Variants in SYTL2 observed in about 807,000 individuals in gnomAD.
SYTL2 encodes the protein synaptotagmin like 2, also known as synaptotagmin-like protein 2.
SYTL2 carries 165 observed loss-of-function variants against 198.7 expected under a neutral mutation model. That is an observed-to-expected ratio of 0.83 (90% CI 0.73 to 0.94). SYTL2 has a LOEUF of 0.94. SYTL2 is among the 40% of genes least tolerant of loss of function. The pLI is 0.00. For synonymous variants in SYTL2, 966 were observed against 917.7 expected, an observed-to-expected ratio of 1.05 and a Z score of -0.95; for missense variants, 2,835 against 2,582.8, an observed-to-expected ratio of 1.10 and a Z score of -2.12.
In SYTL2 at chr11:85,725,659, C is replaced by T. The variant is rs748612815; in HGVS notation, c.3699G>A (p.Ala1233=). The T allele has an allele frequency of 9.9e-6, 16 of 1,614,006 alleles. No homozygotes were observed. Among genetic ancestry groups the T allele is most frequent in the African/African-American group, 1.3e-5 (1 of 75,050 alleles). ...TAGAGTTGGTTCCAGTGATAACAGG[C>T]GCCAACTTGGCTTGCAAGGGAGAGG... ...TSPSPLQAKL[A]PVITGTNSKL... The change falls in exon 8 of 20, where the codon GCG becomes GCA. Residue 1233 remains alanine (A), a synonymous_variant. Transcript: ENST00000359152.
intron 2 of SYTL2, among the ~76,000 whole-genome samples, chr11:85,753,582 A>C (rs762440487): frequency 1.3e-5 from 2 of 152,070 alleles, no homozygotes; most frequent in African/African-American, 4.8e-5. Context: ...TTTCCTATCC[A>C]TGAAATCAAG....
chr11:85,695,052 T>C lies in SYTL2; in HGVS notation c.*143A>G, dbSNP rs1287083690. On this transcript the variant is annotated 3_prime_UTR_variant, in exon 20 of 20. Coordinates refer to ENST00000359152, the MANE Select transcript of SYTL2 (RefSeq NM_206927.4). ...TGGGCCTTGTAATCAAAGAAGCACA[T>C]GCAGATTGACTTTTACATGCTGTGT... 9 of 715,928 alleles carry C rather than the reference T, an allele frequency of 1.3e-5. No homozygotes were observed. Among genetic ancestry groups the C allele is most frequent in the Non-Finnish European group, 2.0e-5 (9 of 459,468 alleles). The allele number at this position is 715,928 out of a possible 1,614,324, so 44.3% of individuals were successfully genotyped here. A position where few individuals can be genotyped will look rare whatever the true frequency, so the allele number is the denominator to read the frequency against.
intron 1 of SYTL2, among the ~76,000 whole-genome samples, chr11:85,806,860 C>T (rs543401222): frequency 1.3e-5 from 2 of 152,346 alleles, no homozygotes; most frequent in East Asian, 1.9e-4. Flanking sequence ...GAAACCAAGG[C>T]TCAGGGAGAA....
At chr11:85,752,503 C>A (rs1220976502) in intron 2 of SYTL2, among the ~76,000 whole-genome samples, 1 of 152,188 alleles carries the variant, frequency 6.6e-6, no homozygotes, top group Non-Finnish European at 1.5e-5. Context: ...ATGGCTGTCA[C>A]ACTTCACTCT....
chr11:85,829,241 A>C, the SYTL2 span, among the ~76,000 whole-genome samples: 30 of 152,246 alleles, frequency 2.0e-4, 1 homozygote, highest in East Asian at 5.2e-3. Context: ...TCCCTCCCTC[A>C]TCTGGTAGTC....
the SYTL2 span, among the ~76,000 whole-genome samples, chr11:85,849,026 T>C: frequency 6.6e-6 from 1 of 152,334 alleles, no homozygotes; most frequent in African/African-American, 2.4e-5. Context: ...ATATGACCCT[T>C]ATAAACAGTG....
At chr11:85,775,516 T>C (rs2092437450) in intron 1 of SYTL2, among the ~76,000 whole-genome samples, 1 of 152,170 alleles carries the variant, frequency 6.6e-6, no homozygotes, top group African/African-American at 2.4e-5. Flanking sequence ...AGAGTCCCAC[T>C]CTATCATCCA....
At chr11:85,755,668 A>T (rs666176) in intron 2 of SYTL2, among the ~76,000 whole-genome samples, 2 of 151,966 alleles carry the variant, frequency 1.3e-5, no homozygotes, top group Non-Finnish European at 2.9e-5. Flanking sequence ...ATTTTCATCA[A>T]CCAATGCAAG....
At chr11:85,782,394 G>T (rs1453130988) in intron 1 of SYTL2, among the ~76,000 whole-genome samples, 3 of 152,210 alleles carry the variant, frequency 2.0e-5, no homozygotes, top group Non-Finnish European at 4.4e-5. Flanking sequence ...CTCCAGACCT[G>T]TGATGGGTGG....
At chr11:85,773,287 A>T (rs2092392382) in intron 1 of SYTL2, among the ~76,000 whole-genome samples, 1 of 152,208 alleles carries the variant, frequency 6.6e-6, no homozygotes, top group Non-Finnish European at 1.5e-5. Context: ...GCCCCTCCAG[A>T]TCTACACCCT....
the SYTL2 span, among the ~76,000 whole-genome samples, chr11:85,819,757 G>T: frequency 2.0e-5 from 3 of 152,196 alleles, no homozygotes; most frequent in African/African-American, 7.2e-5. Flanking sequence ...AGTTAACTGA[G>T]ATCTCATCCC....
chr11:85,789,354 A>G (rs764841227), intron 1 of SYTL2, among the ~76,000 whole-genome samples: 11,244 of 57,090 alleles, frequency 0.2, 1,049 homozygotes, highest in Non-Finnish European at 0.24. Flanking sequence ...ATATATATAT[A>G]TATATATATA....
intron 1 of SYTL2, among the ~76,000 whole-genome samples, chr11:85,770,172 A>C (rs1296343057): frequency 1.3e-5 from 2 of 152,184 alleles, no homozygotes; most frequent in Non-Finnish European, 2.9e-5. Flanking sequence ...TCTGCTATAC[A>C]AATCCCTAGC....
rs541400994 is a variant in SYTL2 at position 85,712,549 on chromosome 11, T to C, written c.5626-1317A>G. The stretch of plus-strand genomic sequence containing the variant: ...CAACCCTATACCCCATGCAAAATGA[T>C]AGAGCTTAATTCTGGCATCTCTGAT... On this transcript the variant is annotated intron_variant, in intron 12 of 19. Transcript: ENST00000359152. Among the ~76,000 whole-genome samples, 10 of 152,312 alleles carry C rather than the reference T, an allele frequency of 6.6e-5. 1 individual carries two copies. The South Asian group carries it at 8.3e-4, about 13-fold the overall frequency.
At chr11:85,833,134 GGAAGGAAGGAAGGAAGGAAGGAAAGAAA>G in the SYTL2 span, among the ~76,000 whole-genome samples, 5 of 89,942 alleles carry the variant, frequency 5.6e-5, 1 homozygote, top group Non-Finnish European at 9.9e-5. Context: ...AAGGAAGGAA[GGAAGGAAGGAAGGAAGGAAGGAAAGAAA>G]GAAAGAAAGA....
intron 9 of SYTL2, chr11:85,719,162 C>T: frequency 7.3e-7 from 1 of 1,365,892 alleles, no homozygotes; most frequent in Non-Finnish European, 9.6e-7. Context: ...CCTCTCTATT[C>T]TTCTGTAAAG....
chr11:85,835,133 G>C, the SYTL2 span, among the ~76,000 whole-genome samples: 1 of 152,092 alleles, frequency 6.6e-6, no homozygotes, highest in Non-Finnish European at 1.5e-5. Context: ...ATCATAAGTT[G>C]AGGAATATCT....
At chr11:85,700,425 A>T in intron 17 of SYTL2, 90 bp downstream of exon 17, 1 of 971,476 alleles carries the variant, frequency 1.0e-6, no homozygotes, top group Non-Finnish European at 1.6e-6. Context: ...AAGTTTCTTT[A>T]GGGCCTCACC....
At chr11:85,805,983 C>T (rs1485410290) in intron 1 of SYTL2, among the ~76,000 whole-genome samples, 1 of 152,204 alleles carries the variant, frequency 6.6e-6, no homozygotes, top group Non-Finnish European at 1.5e-5. Flanking sequence ...CAAGGGATAA[C>T]ACATAGGAAA....
Sources: gnomAD v4.1 joint callset for allele counts (sites outside exome capture counted in the v4.1 genomes callset) on GRCh38, gnomAD v4.1.1 for gene constraint, MANE v1.5 for transcripts, NCBI Gene and HGNC (gene_info 2026-07-23, HGNC 2026-07-21) for gene names.